Variants in NCOR1 observed in about 807,000 individuals in gnomAD.
The protein encoded by NCOR1 is nuclear receptor corepressor 1, also known as protein phosphatase 1, regulatory subunit 109.
NCOR1 carries 63 observed loss-of-function variants against 288.1 expected under a neutral mutation model. The ratio of observed to expected loss-of-function variants is 0.22; its 90% CI spans 0.18 to 0.27. The LOEUF is 0.27. NCOR1 is among the 10% of genes least tolerant of loss of function. The pLI, the probability that NCOR1 is intolerant of heterozygous loss-of-function variation, is 1.00. For missense variants in NCOR1, 2,397 were observed against 3,019.2 expected (o/e 0.79, Z 4.83); for synonymous variants, 1,007 against 1,065.9 (o/e 0.94, Z 1.08).
At position 16,098,383 on chromosome 17, in the gene NCOR1, G is replaced by A. The variant is rs2152973614; in HGVS notation, c.2804C>T (p.Ala935Val). 6.2e-7 allele frequency: 1 copy of A among 1,613,994 alleles called. No individual in the cohort carries two copies. The highest frequency in any genetic ancestry group is 8.5e-7 in the Non-Finnish European group (1 of 1,180,004). ...AAAACTTACCATTGGTGGGATAACA[G>A]CAGCTCGATGCTGAAGCTGTGGCAG... is the stretch of plus-strand genomic sequence containing the variant. The part of the protein sequence containing the change: ...LDLPQLQHRA[A>V]VIPPMVSCTP... The change falls in exon 21 of 46, where the codon GCT becomes GTT. Residue 935 changes from alanine (A) to valine (V), a missense_variant. Coordinates refer to ENST00000268712, the MANE Select transcript of NCOR1 (RefSeq NM_006311.4).
intron 1 of NCOR1, among the ~76,000 whole-genome samples, chr17:16,212,870 G>C (rs1259220833): frequency 6.6e-6 from 1 of 151,574 alleles, no homozygotes; most frequent in African/African-American, 2.4e-5. Context: ...CCAGGAGCTC[G>C]AGACCAGCCT....
intron 40 of NCOR1, among the ~76,000 whole-genome samples, chr17:16,056,309 T>TTTTA (rs1491388262): frequency 2.9e-5 from 1 of 34,156 alleles, no homozygotes; most frequent in African/African-American, 8.4e-5. Flanking sequence ...TCTTTTTATC[T>TTTTA]TTTTTTTTTT....
rs531276439 is a variant in NCOR1, at chr17:16,205,572, G to C, written c.-71+9790C>G. 4.0e-5 allele frequency among the ~76,000 whole-genome samples: 6 copies of C among 150,920 alleles called. No homozygotes were observed. In the South Asian group the frequency reaches 1.0e-3, roughly 26 times the overall value. ...GGAGGCGGAGGTTGCAGTGAGCTGA[G>C]ATTGTGCCACTGCACTCCAGCCTGG... On this transcript the variant is annotated intron_variant, in intron 1 of 45. Coordinates refer to ENST00000268712, the MANE Select transcript of NCOR1 (RefSeq NM_006311.4).
At chr17:16,035,204 GC>G (rs1269630212) in intron 44 of NCOR1, among the ~76,000 whole-genome samples, 2 of 152,150 alleles carry the variant, frequency 1.3e-5, no homozygotes, top group Non-Finnish European at 2.9e-5. Context: ...GTTGCCAAAG[GC>G]TGGGATGGCT....
At chr17:16,205,583 T>C (rs1446640268) in intron 1 of NCOR1, among the ~76,000 whole-genome samples, 1 of 148,510 alleles carries the variant, frequency 6.7e-6, no homozygotes, top group Non-Finnish European at 1.5e-5. Flanking sequence ...ATTGTGCCAC[T>C]GCACTCCAGC....
In NCOR1 at chr17:16,101,300, A is replaced by G; in HGVS notation, c.2640T>C (p.Ser880=). The G allele has an allele frequency of 6.2e-7, 1 of 1,613,314 alleles. No homozygotes were observed. Among genetic ancestry groups the G allele is most frequent in the South Asian group, 1.1e-5 (1 of 90,896 alleles). Residue 880 remains serine (S), a synonymous_variant, in exon 20 of 46, where the codon AGT becomes AGC. Transcript: ENST00000268712. ...RPEPQSDNDS[S]ATCSADEDVD... Reference sequence around the variant, plus strand: ...CATCCTCATCAGCGCTGCACGTGGCACTGGAATCATTGTCTGACTGGGGCT... The same window carrying G: ...CATCCTCATCAGCGCTGCACGTGGCGCTGGAATCATTGTCTGACTGGGGCT...
In NCOR1 at chr17:16,127,265, ATATG is replaced by A. The variant is rs1280473962; in HGVS notation, c.1510-1063_1510-1060del. Among the ~76,000 whole-genome samples the A allele has an allele frequency of 9.6e-5, 10 of 103,958 alleles. 3 individuals are homozygous for A. Among genetic ancestry groups the A allele is most frequent in the Admixed American group, 3.9e-4 (4 of 10,382 alleles). 68.2% of individuals were successfully genotyped at this position (103,958 alleles called of 152,430 possible). On this transcript the variant is annotated intron_variant, in intron 14 of 45. Coordinates refer to ENST00000268712, the MANE Select transcript of NCOR1 (RefSeq NM_006311.4). ...TATGTATGTATATATGTGTGTGTAT[ATATG>A]TATGTATATATACGTGTATATATGT...
chr17:16,187,309 G>C (rs2086868148), intron 2 of NCOR1, among the ~76,000 whole-genome samples: 1 of 150,216 alleles, frequency 6.7e-6, no homozygotes, highest in African/African-American at 2.4e-5. Context: ...TCCAGTCCTA[G>C]GTATATACCC....
At position 16,034,858 on chromosome 17, in the gene NCOR1, C is replaced by T; in HGVS notation, c.7042G>A (p.Glu2348Lys). 6.2e-7 allele frequency: 1 copy of T among 1,614,148 alleles called. No individual in the cohort carries two copies. The highest frequency in any genetic ancestry group is 8.5e-7 in the Non-Finnish European group (1 of 1,180,002). The change falls in exon 45 of 46, where the codon GAA (glutamate) becomes AAA (lysine). Residue 2348 changes from glutamate (E) to lysine (K), a missense_variant. Glu to Lys is a moderately conservative substitution (Grantham distance 56, BLOSUM62 1). This residue lies in a region of NCOR1 where 1,872 missense variants were observed against 2,187.8 expected (regional missense o/e 0.86). Transcript: ENST00000268712. ...ACAGAGGAGACTGAAGAGGGCCGTT[C>T]CGTTCCTAAGTAGCCTTGCCCAGGT... is the stretch of plus-strand genomic sequence containing the variant. Reference protein sequence around the residue: ...PIPGQGYLGTERPSSVSSVHS... With the variant: ...PIPGQGYLGTKRPSSVSSVHS...
Position 16,159,556 on chromosome 17 carries a change from T to C in NCOR1, c.619-683A>G, listed in dbSNP as rs954012049. Among the ~76,000 whole-genome samples, 4 of 152,096 alleles carry C rather than the reference T, an allele frequency of 2.6e-5. No homozygotes were observed. In the South Asian group the frequency reaches 8.3e-4, roughly 31 times the overall value. Reference sequence around the variant, plus strand: ...ACTGAAAAAACACTCTTATATGTTATAGATACACAGTATACATTAATATTT... The same window carrying C: ...ACTGAAAAAACACTCTTATATGTTACAGATACACAGTATACATTAATATTT... On this transcript the variant is annotated intron_variant, in intron 5 of 45. Transcript: ENST00000268712.
At chr17:16,171,339 A>C (rs564047302) in intron 4 of NCOR1, among the ~76,000 whole-genome samples, 68 of 152,266 alleles carry the variant, frequency 4.5e-4, no homozygotes, top group African/African-American at 1.6e-3. Flanking sequence ...ACTTACATAA[A>C]TTAGGAACAA....
At chr17:16,125,755 C>T (rs763280864) in intron 15 of NCOR1, among the ~76,000 whole-genome samples, 2 of 145,690 alleles carry the variant, frequency 1.4e-5, no homozygotes, top group Non-Finnish European at 1.5e-5. Flanking sequence ...ATCAAACTAA[C>T]GGCTATCATC....
At chr17:16,066,075 T>C (rs886451190) in intron 32 of NCOR1, among the ~76,000 whole-genome samples, 1 of 152,196 alleles carries the variant, frequency 6.6e-6, no homozygotes, top group African/African-American at 2.4e-5. Flanking sequence ...AAATACTTTG[T>C]GGCAATCAGT....
intron 14 of NCOR1, among the ~76,000 whole-genome samples, chr17:16,130,773 T>G (rs1192621057): frequency 6.6e-6 from 1 of 151,970 alleles, no homozygotes; most frequent in Non-Finnish European, 1.5e-5. Context: ...AACCTATGCC[T>G]CCCAGGCTCA....
intron 6 of NCOR1, among the ~76,000 whole-genome samples, chr17:16,157,150 G>A (rs2153412095): frequency 6.6e-6 from 1 of 151,738 alleles, no homozygotes; most frequent in African/African-American, 2.4e-5. Flanking sequence ...ACAAATCAGA[G>A]ATTTCACATA....
At chr17:16,173,824 G>A (rs1421560094) in intron 3 of NCOR1, among the ~76,000 whole-genome samples, 1 of 151,992 alleles carries the variant, frequency 6.6e-6, no homozygotes, top group East Asian at 1.9e-4. Flanking sequence ...CCAGCTACTC[G>A]GGAGGCTGAG....
Position 16,079,972 on chromosome 17 carries a change from T to C in NCOR1, c.3493A>G (p.Ile1165Val). The C allele has an allele frequency of 1.2e-6, 2 of 1,613,062 alleles. No individual in the cohort carries two copies. Among genetic ancestry groups the C allele is most frequent in the Non-Finnish European group, 1.7e-6 (2 of 1,179,012 alleles). The change falls in exon 26 of 46, where the codon ATC becomes GTC. Residue 1165 changes from isoleucine to valine, a missense_variant. By Grantham distance (29) the Ile-to-Val change is conservative. Around this residue, in one of 11 missense-constraint regions of NCOR1, gnomAD observed 1,872 missense variants for 2,187.8 expected, o/e 0.86. Transcript: ENST00000268712. ...AGATGATCGTGACTAACCTGAGTGA[T>C]AGAGCCCCGTAGGGATGGAATGCTC... ...VESIPSLRGS[I>V]TQGTPALPQT...
chr17:16,076,538 G>A (rs975310404), intron 26 of NCOR1, among the ~76,000 whole-genome samples: 7 of 152,196 alleles, frequency 4.6e-5, no homozygotes, highest in African/African-American at 1.4e-4. Flanking sequence ...CCATTCTACG[G>A]TTGTTTGGCA....
chr17:16,177,884 C>T (rs1351347949), intron 3 of NCOR1, among the ~76,000 whole-genome samples: 1 of 152,150 alleles, frequency 6.6e-6, no homozygotes, highest in East Asian at 1.9e-4. Flanking sequence ...TTACTTTCTT[C>T]GATACTGCTT....
Sources: gnomAD v4.1 joint callset for allele counts (sites outside exome capture counted in the v4.1 genomes callset) on GRCh38, gnomAD v4.1.1 for gene constraint, gnomAD v4.1.1 regional missense constraint, MANE v1.5 for transcripts, NCBI Gene and HGNC (gene_info 2026-07-23, HGNC 2026-07-21) for gene names.